DIP2B: variants seen among roughly 807,000 people sequenced by gnomAD.
DIP2B encodes DIP2 acetate--CoA ligase B (putative).
DIP2B carries 76 observed loss-of-function variants against 198.0 expected under a neutral mutation model. That is an observed-to-expected ratio of 0.38 (90% CI 0.32 to 0.46). The LOEUF is 0.46. DIP2B is among the 20% of genes least tolerant of loss of function. The probability of loss-of-function intolerance (pLI) is 0.99; values close to 1 mark genes in which losing one functional copy is unlikely to be tolerated. For missense variants in DIP2B, 1,559 were observed against 1,978.4 expected (o/e 0.79, Z 4.02); for synonymous variants, 701 against 739.1 (o/e 0.95, Z 0.84).
intron 3 of DIP2B, among the ~76,000 whole-genome samples, chr12:50,642,662 G>A (rs1029563045): frequency 2.0e-5 from 3 of 152,126 alleles, no homozygotes; most frequent in South Asian, 4.1e-4. Context: ...GGTGGCAGGC[G>A]CCTGTAGTCC....
chr12:50,748,375 G>A lies in DIP2B; in HGVS notation c.*3536G>A, dbSNP rs1940368896. 1 of 152,574 alleles carries A rather than the reference G, an allele frequency of 6.6e-6. No individual in the cohort carries two copies. The highest frequency in any genetic ancestry group is 2.4e-5 in the African/African-American group (1 of 41,416). 9.5% of individuals were successfully genotyped at this position (152,574 alleles called of 1,614,324 possible). ...TCTTTATCATTCATACGACATTTCT[G>A]GTTTAGGTGTATGTAGTTGGGCCAT... On this transcript the variant is annotated 3_prime_UTR_variant, in exon 38 of 38. Coordinates refer to ENST00000301180, the MANE Select transcript of DIP2B (RefSeq NM_173602.3).
At chr12:50,668,409 C>T (rs1295515304) in intron 4 of DIP2B, among the ~76,000 whole-genome samples, 1 of 152,190 alleles carries the variant, frequency 6.6e-6, no homozygotes, top group African/African-American at 2.4e-5. Context: ...GAATGGAAGA[C>T]TGACACCAAA....
intron 24 of DIP2B, 65 bp from the exon 25 acceptor site, chr12:50,718,890 G>A: frequency 6.2e-7 from 1 of 1,611,394 alleles, no homozygotes; most frequent in Non-Finnish European, 8.5e-7. Context: ...AGCAGCTGGG[G>A]GATGCATTAT....
chr12:50,713,427 A>G (rs1170628444), intron 22 of DIP2B, among the ~76,000 whole-genome samples: 5 of 152,232 alleles, frequency 3.3e-5, no homozygotes, highest in African/African-American at 1.2e-4. Flanking sequence ...GTATTTTGTC[A>G]GTTAACATAA....
At chr12:50,703,280 C>T (rs1478519283) in intron 19 of DIP2B, among the ~76,000 whole-genome samples, 2 of 150,098 alleles carry the variant, frequency 1.3e-5, no homozygotes, top group Non-Finnish European at 3.0e-5. Flanking sequence ...ATATATTTTT[C>T]GGTACCAGAT....
chr12:50,640,875 C>T lies in DIP2B; in HGVS notation c.301+23C>T, dbSNP rs889404282. 2.5e-6 allele frequency: 4 copies of T among 1,605,786 alleles called. No individual in the cohort carries two copies. In the African/African-American group the frequency reaches 5.4e-5, roughly 22 times the overall value. ...CAGGTGAGGAGAAGCTGCAGAATGG[C>T]CAGCTGAATCGTTTTCCTAACAGTA... is the stretch of plus-strand genomic sequence containing the variant. On this transcript the variant is annotated intron_variant, in intron 3 of 37. Coordinates refer to ENST00000301180, the MANE Select transcript of DIP2B (RefSeq NM_173602.3).
At chr12:50,517,762 T>G (rs1304874317) in intron 1 of DIP2B, among the ~76,000 whole-genome samples, 1 of 152,218 alleles carries the variant, frequency 6.6e-6, no homozygotes, top group Non-Finnish European at 1.5e-5. Flanking sequence ...CACTGTGCTT[T>G]TTTTCACTTG....
intron 1 of DIP2B, among the ~76,000 whole-genome samples, chr12:50,578,018 A>G (rs1414604816): frequency 6.6e-6 from 1 of 152,112 alleles, no homozygotes. Context: ...TGTGTGTTGC[A>G]CTATTTTTTT....
intron 1 of DIP2B, among the ~76,000 whole-genome samples, chr12:50,556,272 A>T (rs1958470116): frequency 6.6e-6 from 1 of 151,152 alleles, no homozygotes. Context: ...ATGGTCTCGA[A>T]CTCCCGACCT....
At chr12:50,684,350 C>T (rs1267125543) in intron 10 of DIP2B, among the ~76,000 whole-genome samples, 1 of 152,196 alleles carries the variant, frequency 6.6e-6, no homozygotes, top group Admixed American at 6.5e-5. Context: ...TTTGACAATA[C>T]ATCAGCCCAA....
intron 19 of DIP2B, among the ~76,000 whole-genome samples, chr12:50,702,520 C>T (rs894630888): frequency 2.6e-5 from 4 of 151,770 alleles, no homozygotes; most frequent in Non-Finnish European, 4.4e-5. Context: ...CGAGATTGTG[C>T]CATTGCACTC....
At position 50,678,662 on chromosome 12, in the gene DIP2B, G is replaced by A. The variant is rs774483915; in HGVS notation, c.917-17G>A. ...GTATTTGTACTCATTTCACTCATTG[G>A]GATTTTCCTGGTACAGTACCTCAGC... On this transcript the variant is annotated splice_polypyrimidine_tract_variant and intron_variant, in intron 7 of 37. Transcript: ENST00000301180. The A allele has an allele frequency of 1.2e-6, 2 of 1,608,600 alleles. No individual in the cohort carries two copies. Among genetic ancestry groups the A allele is most frequent in the Non-Finnish European group, 1.7e-6 (2 of 1,176,788 alleles).
chr12:50,726,855 G>A (rs964356018), intron 28 of DIP2B, among the ~76,000 whole-genome samples: 4 of 152,064 alleles, frequency 2.6e-5, no homozygotes, highest in African/African-American at 7.2e-5. Context: ...GCTCATGGTT[G>A]TAATGCCAGC....
chr12:50,580,693 G>A (rs1958717736), intron 1 of DIP2B, among the ~76,000 whole-genome samples: 1 of 148,238 alleles, frequency 6.7e-6, no homozygotes, highest in Non-Finnish European at 1.5e-5. Flanking sequence ...TCAACCGTCA[G>A]GGTACATTTG....
At chr12:50,663,635 G>T (rs1449620091) in intron 4 of DIP2B, among the ~76,000 whole-genome samples, 1 of 151,844 alleles carries the variant, frequency 6.6e-6, no homozygotes, top group Non-Finnish European at 1.5e-5. Flanking sequence ...CACTTTGGGA[G>T]GCTGAGGTGG....
At chr12:50,535,341 C>T (rs958313418) in intron 1 of DIP2B, among the ~76,000 whole-genome samples, 3 of 151,086 alleles carry the variant, frequency 2.0e-5, no homozygotes, top group African/African-American at 4.9e-5. Context: ...CAAGGCAGGA[C>T]GATTGCTTGA....
intron 1 of DIP2B, 36 bp downstream of exon 1, chr12:50,505,276 C>T (rs1363361744): frequency 4.2e-6 from 6 of 1,432,798 alleles, no homozygotes; most frequent in South Asian, 1.4e-5. Flanking sequence ...GCCCGGGGCC[C>T]TGCGGATCGC....
chr12:50,726,977 G>T (rs778023690), intron 28 of DIP2B, among the ~76,000 whole-genome samples: 1 of 152,118 alleles, frequency 6.6e-6, no homozygotes, highest in Non-Finnish European at 1.5e-5. Flanking sequence ...AATTAGCTAG[G>T]CATGGTGGCA....
chr12:50,543,460 TGTATTTTTG>T (rs1958345142), intron 1 of DIP2B, among the ~76,000 whole-genome samples: 1 of 151,948 alleles, frequency 6.6e-6, no homozygotes, highest in South Asian at 2.1e-4. Flanking sequence ...AGCTAATTTT[TGTATTTTTG>T]GTAGAGAAGG....
Sources: allele counts gnomAD v4.1 joint callset (sites outside exome capture counted in the v4.1 genomes callset), GRCh38; gene constraint gnomAD v4.1.1; transcripts MANE v1.5; gene names NCBI Gene and HGNC (gene_info 2026-07-23, HGNC 2026-07-21).